Variants in LRSAM1 observed in about 807,000 individuals in gnomAD.
The protein encoded by LRSAM1 is E3 ubiquitin-protein ligase LRSAM1.
A neutral mutation model predicts 118.1 loss-of-function variants in LRSAM1; 96 were observed. The observed-to-expected ratio is 0.81, with a 90% CI of 0.69 to 0.96. The LOEUF (loss-of-function observed/expected upper bound fraction) is 0.96. Ranked by LOEUF, LRSAM1 falls within the 40% of genes least tolerant of loss-of-function variation. The pLI, the probability that LRSAM1 is intolerant of heterozygous loss-of-function variation, is 0.00. For missense variants in LRSAM1, 804 were observed against 915.5 expected (o/e 0.88, Z 1.57); for synonymous variants, 322 against 364.2 (o/e 0.88, Z 1.32).
At chr9:127,494,763 G>A (rs1366433121) in intron 21 of LRSAM1, among the ~76,000 whole-genome samples, 1 of 152,112 alleles carries the variant, frequency 6.6e-6, no homozygotes, top group Non-Finnish European at 1.5e-5. Context: ...GGCCAACGTG[G>A]TGAAAACCCC....
At chr9:127,487,532 C>T (rs980065153) in intron 17 of LRSAM1, 144 bp from the exon 18 acceptor site, 4 of 726,396 alleles carry the variant, frequency 5.5e-6, no homozygotes, top group South Asian at 3.1e-5. Flanking sequence ...CTGTGGCCCA[C>T]CCAGGGCCCG....
At chr9:127,479,014 A>C in intron 12 of LRSAM1, 51 bp downstream of exon 12, 83 of 1,542,448 alleles carry the variant, frequency 5.4e-5, no homozygotes, top group Non-Finnish European at 6.9e-5. Context: ...TAAAGATCTC[A>C]ACTCAACTCA....
intron 9 of LRSAM1, among the ~76,000 whole-genome samples, chr9:127,467,174 T>C (rs374058539): frequency 6.6e-6 from 1 of 151,984 alleles, no homozygotes; most frequent in Non-Finnish European, 1.5e-5. Context: ...GTGGTCTAAA[T>C]AGGGGAGGGG....
intron 24 of LRSAM1, among the ~76,000 whole-genome samples, chr9:127,497,705 C>T (rs1368938119): frequency 4.6e-5 from 7 of 152,180 alleles, no homozygotes; most frequent in African/African-American, 1.7e-4. Flanking sequence ...AATGCTGGGC[C>T]TGAGGCATGC....
In LRSAM1 at chr9:127,479,908, C is replaced by T. The variant is rs759373322; in HGVS notation, c.973C>T (p.Gln325Ter). 1.2e-6 allele frequency: 2 copies of T among 1,613,800 alleles called. No homozygotes were observed. The highest frequency in any genetic ancestry group is 1.7e-6 in the Non-Finnish European group (2 of 1,179,928). The part of the protein sequence containing the change: ...RHLNAERQRL[Q>*]EQLKQTEQNI... Reference sequence around the variant, plus strand: ...CCTCAACGCAGAGCGGCAGCGGCTGCAGGAGCAGCTGAAGCAGACGGAACA... The same window carrying T: ...CCTCAACGCAGAGCGGCAGCGGCTGTAGGAGCAGCTGAAGCAGACGGAACA... Residue 325 changes from glutamine to a stop codon, truncating the protein, a stop_gained, in exon 14 of 26, where the codon CAG becomes TAG. Transcript: ENST00000300417. LOFTEE classifies it high-confidence loss of function.
chr9:127,468,905 T>G (rs1323748771), intron 10 of LRSAM1, among the ~76,000 whole-genome samples: 2 of 150,076 alleles, frequency 1.3e-5, no homozygotes, highest in Non-Finnish European at 3.0e-5. Context: ...GGAAGGATCA[T>G]TTGAGCCTGA....
intron 11 of LRSAM1, 108 bp downstream of exon 11, chr9:127,474,039 T>G: frequency 6.6e-7 from 1 of 1,525,822 alleles, no homozygotes; most frequent in Non-Finnish European, 8.9e-7. Flanking sequence ...GAGCTGCAGC[T>G]CCCAGATTCC....
intron 24 of LRSAM1, among the ~76,000 whole-genome samples, chr9:127,497,872 G>A (rs1035098071): frequency 2.0e-5 from 3 of 152,254 alleles, no homozygotes; most frequent in Non-Finnish European, 2.9e-5. Flanking sequence ...CATGAACCAC[G>A]TTGAGGAACC....
At chr9:127,490,635 G>A (rs1835900306) in intron 19 of LRSAM1, among the ~76,000 whole-genome samples, 1 of 152,188 alleles carries the variant, frequency 6.6e-6, no homozygotes, top group African/African-American at 2.4e-5. Context: ...ACCTCTCTGA[G>A]CCTCAGTTTT....
intron 18 of LRSAM1, 146 bp from the exon 19 acceptor site, chr9:127,489,298 A>C (rs1029822796): frequency 2.2e-5 from 21 of 950,752 alleles, no homozygotes; most frequent in Non-Finnish European, 3.2e-5. Flanking sequence ...TAAGGTTTAC[A>C]CAAGTGAGGT....
intron 10 of LRSAM1, 99 bp downstream of exon 10, chr9:127,467,929 GC>G: frequency 8.5e-7 from 1 of 1,175,096 alleles, no homozygotes; most frequent in Non-Finnish European, 1.2e-6. Flanking sequence ...GACAGAAATG[GC>G]CACAGTGCCT....
chr9:127,467,357 G>A (rs1834993784), intron 9 of LRSAM1, among the ~76,000 whole-genome samples: 1 of 152,236 alleles, frequency 6.6e-6, no homozygotes. Context: ...GTCCCCAGGA[G>A]CTGCTGGTGC....
In LRSAM1 at chr9:127,502,909, G is replaced by C. The variant is rs372040839; in HGVS notation, c.*10G>C. 3.2e-6 allele frequency: 5 copies of C among 1,584,420 alleles called. No homozygotes were observed. The highest frequency in any genetic ancestry group is 3.4e-6 in the Non-Finnish European group (4 of 1,166,770). ...CTACCACAGCAGCTGAGTGCTGCCC[G>C]CCCACCTGGGCCTGGTCCTAGCCCT... On this transcript the variant is annotated 3_prime_UTR_variant, in exon 26 of 26. Coordinates refer to ENST00000300417, the MANE Select transcript of LRSAM1 (RefSeq NM_001005373.4).
Position 127,458,389 on chromosome 9 carries a change from A to AAAAAC in LRSAM1, c.253-584_253-580dup, listed in dbSNP as rs1171572511. Among the ~76,000 whole-genome samples, 116 of 144,726 alleles carry AAAAAC rather than the reference A, an allele frequency of 8.0e-4. 2 individuals are homozygous for AAAAAC. In the South Asian group the frequency reaches 9.5e-3, roughly 12 times the overall value. The allele number at this position is 144,726 out of a possible 152,430, so 94.9% of individuals were successfully genotyped here. On this transcript the variant is annotated intron_variant, in intron 6 of 25. Coordinates refer to ENST00000300417, the MANE Select transcript of LRSAM1 (RefSeq NM_001005373.4). ...GGGCGACAGAGCGAGACTTCGTCTC[A>AAAAAC]AAAACAAAACAAAACAAAACAAAAC...
At chr9:127,454,626 T>G (rs375949142) in intron 3 of LRSAM1, 27 bp downstream of exon 3, 1 of 1,609,144 alleles carries the variant, frequency 6.2e-7, no homozygotes, top group African/African-American at 1.3e-5. Flanking sequence ...TTCCTCTAAC[T>G]CTATCCCATC....
At chr9:127,494,360 C>T (rs559440211) in intron 21 of LRSAM1, among the ~76,000 whole-genome samples, 117 of 152,372 alleles carry the variant, frequency 7.7e-4, no homozygotes, top group African/African-American at 2.8e-3. Flanking sequence ...GTTCTGAGCA[C>T]GGGCTCTGGA....
chr9:127,453,847 C>T (rs1312361999), intron 2 of LRSAM1: 1 of 160,070 alleles, frequency 6.2e-6, no homozygotes, highest in East Asian at 1.9e-4. Context: ...AGACGCAGCC[C>T]CTCACCTCAT....
rs1253977481 is a variant in LRSAM1, at chr9:127,487,200, A to G, written c.1260-476A>G. ...CTCTGTCTCAAAAAAAAAAAAAAAA[A>G]CAACCAAGATGGTGCCAAAGCACAA... On this transcript the variant is annotated intron_variant, in intron 17 of 25. Coordinates refer to ENST00000300417, the MANE Select transcript of LRSAM1 (RefSeq NM_001005373.4). Among the ~76,000 whole-genome samples the G allele has an allele frequency of 5.5e-5, 8 of 145,986 alleles. No homozygotes were observed. In the East Asian group the frequency reaches 1.6e-3, roughly 29 times the overall value.
At chr9:127,492,105 A>C (rs1835955012) in intron 20 of LRSAM1, among the ~76,000 whole-genome samples, 1 of 152,268 alleles carries the variant, frequency 6.6e-6, no homozygotes, top group East Asian at 1.9e-4. Context: ...TCTCAGGTGC[A>C]CCGCAGGTGT....
Sources: allele counts gnomAD v4.1 joint callset (sites outside exome capture counted in the v4.1 genomes callset), GRCh38; gene constraint gnomAD v4.1.1; transcripts MANE v1.5; gene names NCBI Gene and HGNC (gene_info 2026-07-23, HGNC 2026-07-21).